The following SLIT3 variants were observed in gnomAD, a reference collection of about 807,000 sequenced individuals.
SLIT3 encodes slit guidance ligand 3.
Under a neutral mutation model 184.0 loss-of-function variants are expected in SLIT3, and 68 were observed. That is an observed-to-expected ratio of 0.37 (90% CI 0.30 to 0.45). SLIT3 has a LOEUF of 0.45. Among genes scored for constraint, SLIT3 ranks in the 20% least tolerant of loss-of-function variants. The pLI is 1.00. For synonymous variants in SLIT3, 831 were observed against 828.6 expected (o/e 1.00, Z -0.05); for missense variants, 1,707 against 2,026.0 (o/e 0.84, Z 3.02).
intron 12 of SLIT3, among the ~76,000 whole-genome samples, chr5:168,775,788 A>T (rs1755725487): frequency 6.6e-6 from 1 of 152,068 alleles, no homozygotes; most frequent in Non-Finnish European, 1.5e-5. Flanking sequence ...AGCTGTTTTT[A>T]GCTCTTCAGA....
intron 25 of SLIT3, chr5:168,708,410 C>T (rs938002468): frequency 7.0e-6 from 3 of 426,226 alleles, no homozygotes; most frequent in African/African-American, 2.0e-5. Flanking sequence ...TAATTAGAAA[C>T]CCCCTGTGTA....
intron 3 of SLIT3, among the ~76,000 whole-genome samples, chr5:169,217,436 G>A (rs1764476807): frequency 6.6e-6 from 1 of 152,162 alleles, no homozygotes; most frequent in South Asian, 2.1e-4. Flanking sequence ...GTGGCTGAGG[G>A]ATTGGGACCC....
intron 5 of SLIT3, among the ~76,000 whole-genome samples, chr5:168,857,366 G>A (rs1032105585): frequency 7.5e-6 from 1 of 132,606 alleles, no homozygotes; most frequent in African/African-American, 2.8e-5. Context: ...CAGCAGTAGA[G>A]TTTTTGTTTT....
chr5:169,073,666 C>T (rs2113132729), intron 4 of SLIT3, among the ~76,000 whole-genome samples: 1 of 152,138 alleles, frequency 6.6e-6, no homozygotes, highest in African/African-American at 2.4e-5. Context: ...TGGGTGAGTT[C>T]TTGCCCTGAG....
intron 1 of SLIT3, among the ~76,000 whole-genome samples, chr5:169,294,215 C>T (rs1387634759): frequency 7.1e-6 from 1 of 140,354 alleles, no homozygotes; most frequent in Admixed American, 7.4e-5. Flanking sequence ...CATGGGAAGT[C>T]AGTAAAAGGA....
rs202182095 is a variant in SLIT3 at position 168,929,279 on chromosome 5, GTTA to G, written c.414-45946_414-45944del. Among the ~76,000 whole-genome samples the G allele has an allele frequency of 9.5e-3, 1,452 of 152,320 alleles. 19 individuals are homozygous for G. The highest frequency in any genetic ancestry group is 0.033 in the African/African-American group (1,378 of 41,556). ...ATGTTCCATAATAATATTAAGAACA[GTTA>G]TTATTGTTGCTGTTATAATGGAGAT... On this transcript the variant is annotated intron_variant, in intron 4 of 35. Coordinates refer to ENST00000519560, the MANE Select transcript of SLIT3 (RefSeq NM_003062.4).
At chr5:168,974,104 A>G (rs1754675287) in intron 4 of SLIT3, among the ~76,000 whole-genome samples, 1 of 152,164 alleles carries the variant, frequency 6.6e-6, no homozygotes, top group Non-Finnish European at 1.5e-5. Flanking sequence ...ACCCATCTAA[A>G]TATTTTCAGA....
At chr5:168,727,360 A>C (rs1278139986) in intron 20 of SLIT3, among the ~76,000 whole-genome samples, 1 of 152,166 alleles carries the variant, frequency 6.6e-6, no homozygotes, top group African/African-American at 2.4e-5. Flanking sequence ...TGCACAGCTG[A>C]GGAGGACATA....
At chr5:168,772,395 T>G in intron 14 of SLIT3, 1 of 239,004 alleles carries the variant, frequency 4.2e-6, no homozygotes, top group Non-Finnish European at 8.2e-6. Context: ...GCTATATGTA[T>G]TTCTCTACTT....
intron 1 of SLIT3, among the ~76,000 whole-genome samples, chr5:169,253,339 T>C (rs972105283): frequency 6.6e-6 from 1 of 152,154 alleles, no homozygotes; most frequent in Non-Finnish European, 1.5e-5. Context: ...ACTAATATTT[T>C]GAATATTTAT....
At chr5:168,734,437 C>T (rs1332394805) in intron 20 of SLIT3, among the ~76,000 whole-genome samples, 1 of 152,178 alleles carries the variant, frequency 6.6e-6, no homozygotes, top group African/African-American at 2.4e-5. Flanking sequence ...TGTTTGTACA[C>T]ACTAGTGTCT....
At chr5:169,232,488 G>T (rs1581083728) in intron 3 of SLIT3, among the ~76,000 whole-genome samples, 1 of 152,162 alleles carries the variant, frequency 6.6e-6, no homozygotes, top group African/African-American at 2.4e-5. Flanking sequence ...GCCTCCCTAA[G>T]TGCTGAGATT....
At position 168,724,436 on chromosome 5, in the gene SLIT3, G is replaced by A; in HGVS notation, c.2319C>T (p.Ala773=). The A allele has an allele frequency of 1.9e-6, 3 of 1,612,906 alleles. No individual in the cohort carries two copies. The highest frequency in any genetic ancestry group is 2.5e-6 in the Non-Finnish European group (3 of 1,179,300). The stretch of plus-strand genomic sequence containing the variant: ...CTTACATAAGCGTCAGGTGTCGGAG[G>A]GCGGACAGCTCTCTGGGCACGGCTG... ...HLTAVPRELS[A]LRHLTLIDLS... Residue 773 remains alanine (A), a synonymous_variant, in exon 21 of 36, where the codon GCC becomes GCT. Transcript: ENST00000519560.
intron 4 of SLIT3, among the ~76,000 whole-genome samples, chr5:169,114,663 G>T (rs2113270178): frequency 6.6e-6 from 1 of 152,288 alleles, no homozygotes; most frequent in African/African-American, 2.4e-5. Flanking sequence ...CCATGAGGAG[G>T]GAGGGAAACA....
intron 4 of SLIT3, among the ~76,000 whole-genome samples, chr5:168,953,168 A>C (rs1762717934): frequency 6.6e-6 from 1 of 152,156 alleles, no homozygotes; most frequent in African/African-American, 2.4e-5. Context: ...GACTCAAAGG[A>C]TCCTGACTAG....
intron 2 of SLIT3, among the ~76,000 whole-genome samples, chr5:169,249,829 G>A (rs1765713000): frequency 6.6e-6 from 1 of 152,250 alleles, no homozygotes; most frequent in African/African-American, 2.4e-5. Flanking sequence ...GGCACAGGGT[G>A]TGCCTTCCCT....
chr5:168,958,285 T>A (rs1762897121), intron 4 of SLIT3, among the ~76,000 whole-genome samples: 1 of 152,212 alleles, frequency 6.6e-6, no homozygotes, highest in African/African-American at 2.4e-5. Context: ...TACATGCACA[T>A]CAGTATCTAA....
At chr5:169,117,882 A>G (rs1458394770) in intron 4 of SLIT3, among the ~76,000 whole-genome samples, 1 of 152,242 alleles carries the variant, frequency 6.6e-6, no homozygotes, top group Non-Finnish European at 1.5e-5. Context: ...ACCCAAGAAC[A>G]GGCCACAGCG....
At chr5:168,991,504 G>C (rs1035222656) in intron 4 of SLIT3, among the ~76,000 whole-genome samples, 1 of 152,212 alleles carries the variant, frequency 6.6e-6, no homozygotes, top group Admixed American at 6.5e-5. Flanking sequence ...TGAGTCACAG[G>C]CATCACAAAC....
Sources: gnomAD v4.1 joint callset for allele counts (sites outside exome capture counted in the v4.1 genomes callset) on GRCh38, gnomAD v4.1.1 for gene constraint, MANE v1.5 for transcripts, NCBI Gene and HGNC (gene_info 2026-07-23, HGNC 2026-07-21) for gene names.